The following MYO5C variants were observed in gnomAD, a reference collection of about 807,000 sequenced individuals.
MYO5C encodes the protein myosin VC, also known as unconventional myosin-Vc.
MYO5C carries 194 observed loss-of-function variants against 235.7 expected under a neutral mutation model. The observed-to-expected ratio is 0.82, with a 90% CI of 0.73 to 0.93. The LOEUF is 0.93. Ranked by LOEUF, MYO5C falls within the 40% of genes least tolerant of loss-of-function variation. MYO5C has a pLI of 0.00. For synonymous variants in MYO5C, 707 were observed against 754.8 expected, an observed-to-expected ratio of 0.94 and a Z score of 1.04; for missense variants, 2,038 against 2,127.2, an observed-to-expected ratio of 0.96 and a Z score of 0.82.
rs200915830 is a variant in MYO5C at position 52,204,966 on chromosome 15, C to A, written c.4719G>T (p.Arg1573Ser). Reference sequence around the variant, plus strand: ...AGAAGAAGAGCTGCTTCACCGCCTGCCTCACAAGCTCGGGGTCCAGGCCGT... The same window carrying A: ...AGAAGAAGAGCTGCTTCACCGCCTGACTCACAAGCTCGGGGTCCAGGCCGT... ...CQNGLDPELVRQAVKQLFFLI... is the reference protein window; with the variant it reads ...CQNGLDPELVSQAVKQLFFLI... The change falls in exon 38 of 41, where the codon AGG becomes AGT. Residue 1573 changes from arginine to serine, a missense_variant. By Grantham distance (110) the Arg-to-Ser change is moderately radical. Transcript: ENST00000261839. 143 of 1,614,134 alleles carry A rather than the reference C, an allele frequency of 8.9e-5. No individual in the cohort carries two copies. The highest frequency in any genetic ancestry group is 1.7e-4 in the Admixed American group (10 of 60,014).
intron 11 of MYO5C, among the ~76,000 whole-genome samples, chr15:52,255,993 G>C (rs1206116602): frequency 6.6e-6 from 1 of 152,206 alleles, no homozygotes; most frequent in Non-Finnish European, 1.5e-5. Context: ...TAAGGTTGGA[G>C]AAACTCATTC....
chr15:52,255,707 T>C (rs372103510), intron 11 of MYO5C, among the ~76,000 whole-genome samples: 6 of 151,664 alleles, frequency 4.0e-5, no homozygotes, highest in African/African-American at 1.4e-4. Context: ...ATTTAAGAGG[T>C]TGAAATTGTA....
rs1421477633 is a variant in MYO5C, at chr15:52,205,853, A to G, written c.4500T>C (p.Phe1500=). ...SDVAIRIYHQ[F]IIIMEKNIQP... ...GGATATTCTTTTCCATTATGATAATAAATTGATGATATATTCGTATAGCCA... is the reference window on the plus strand; with the variant it reads ...GGATATTCTTTTCCATTATGATAATGAATTGATGATATATTCGTATAGCCA... Residue 1500 remains phenylalanine (F), a synonymous_variant, in exon 37 of 41, where the codon TTT becomes TTC. Transcript: ENST00000261839. 5 of 1,585,878 alleles carry G rather than the reference A, an allele frequency of 3.2e-6. No homozygotes were observed. The highest frequency in any genetic ancestry group is 4.3e-6 in the Non-Finnish European group (5 of 1,162,234).
At chr15:52,198,644 C>T (rs368349366) in intron 38 of MYO5C, among the ~76,000 whole-genome samples, 4 of 151,930 alleles carry the variant, frequency 2.6e-5, no homozygotes, top group Non-Finnish European at 5.9e-5. Flanking sequence ...AGTAGTGGTG[C>T]GATCTCAGCT....
At position 52,244,646 on chromosome 15, in the gene MYO5C, G is replaced by C. The variant is rs185981851; in HGVS notation, c.2179-79C>G. On this transcript the variant is annotated intron_variant, in intron 18 of 40. Transcript: ENST00000261839. ...TACAGTATTTGGAAAAGAGCTTTAG[G>C]GATTCAAAGGTGCCAGAAATATTGT... 1.2e-4 allele frequency: 116 copies of C among 968,530 alleles called. 2 individuals carry two copies. In the Admixed American group the frequency reaches 1.4e-3, roughly 12 times the overall value. The allele number at this position is 968,530 out of a possible 1,614,324, so 60.0% of individuals were successfully genotyped here.
Position 52,286,068 on chromosome 15 carries a change from G to A in MYO5C, c.28-3176C>T, listed in dbSNP as rs951233180. Among the ~76,000 whole-genome samples, 36 of 151,368 alleles carry A rather than the reference G, an allele frequency of 2.4e-4. 1 individual carries two copies. Among genetic ancestry groups the A allele is most frequent in the Admixed American group, 5.9e-4 (9 of 15,228 alleles). Reference sequence around the variant, plus strand: ...CCGCCCCGTCTGGGATGTGAGGAGCGTCTCTGCCCGGCCGCCCCGTCTGAG... The same window carrying A: ...CCGCCCCGTCTGGGATGTGAGGAGCATCTCTGCCCGGCCGCCCCGTCTGAG... On this transcript the variant is annotated intron_variant, in intron 1 of 40. Transcript: ENST00000261839.
intron 11 of MYO5C, among the ~76,000 whole-genome samples, chr15:52,254,513 A>C (rs2036541802): frequency 6.6e-6 from 1 of 152,134 alleles, no homozygotes; most frequent in South Asian, 2.1e-4. Context: ...ATCAGGTGCA[A>C]GGCCCAGTGG....
intron 1 of MYO5C, among the ~76,000 whole-genome samples, chr15:52,287,263 T>A (rs890348522): frequency 6.6e-6 from 1 of 152,164 alleles, no homozygotes. Flanking sequence ...CACACACTCT[T>A]GTGCAGATAG....
chr15:52,229,153 G>C lies in MYO5C; in HGVS notation c.3187C>G (p.Arg1063Gly), dbSNP rs779447148. The change falls in exon 25 of 41, where the codon CGC (arginine) becomes GGC (glycine). Residue 1063 changes from arginine (R) to glycine (G), a missense_variant. Coordinates refer to ENST00000261839, the MANE Select transcript of MYO5C (RefSeq NM_018728.4). ...TCTACCTTGACCTGCTTGCTCAGGC[G>C]GGCCACTTCCGCCTTCAAGCCATCA... The part of the protein sequence containing the change: ...TSDGLKAEVA[R>G]LSKQVKTISE... The C allele has an allele frequency of 2.5e-6, 4 of 1,614,148 alleles. No individual in the cohort carries two copies. The highest frequency in any genetic ancestry group is 3.4e-6 in the Non-Finnish European group (4 of 1,180,032).
rs190580561 is a variant in MYO5C at position 52,264,820 on chromosome 15, G to C, written c.941-524C>G. 2.6e-5 allele frequency among the ~76,000 whole-genome samples: 4 copies of C among 152,334 alleles called. No homozygotes were observed. The East Asian group carries it at 7.7e-4, about 29-fold the overall frequency. ...TGGGGAGCCCTAGCAGGAGAGCAGA[G>C]AGAGGAGCGGAGAAGGTTCCGAGTG... On this transcript the variant is annotated intron_variant, in intron 8 of 40. Coordinates refer to ENST00000261839, the MANE Select transcript of MYO5C (RefSeq NM_018728.4).
At chr15:52,295,555 G>A in intron 1 of MYO5C, 55 bp downstream of exon 1, 3 of 1,495,118 alleles carry the variant, frequency 2.0e-6, no homozygotes, top group African/African-American at 1.5e-5. Context: ...TCGAGTCAGC[G>A]TTAGCAGGGC....
In MYO5C at chr15:52,229,145, G is replaced by C. The variant is rs778594259; in HGVS notation, c.3195C>G (p.Ser1065Arg). 1 of 1,614,176 alleles carries C rather than the reference G, an allele frequency of 6.2e-7. No homozygotes were observed. Among genetic ancestry groups the C allele is most frequent in the Non-Finnish European group, 8.5e-7 (1 of 1,180,038 alleles). Residue 1065 changes from serine to arginine, a missense_variant, in exon 25 of 41, where the codon AGC becomes AGG. Ser to Arg is a moderately radical substitution (Grantham distance 110). Transcript: ENST00000261839. ...DGLKAEVARL[S>R]KQVKTISEFE... ...AGAGCCGCTCTACCTTGACCTGCTT[G>C]CTCAGGCGGGCCACTTCCGCCTTCA... is the stretch of plus-strand genomic sequence containing the variant.
chr15:52,256,786 A>T (rs1396449671), intron 10 of MYO5C, 66 bp from the exon 11 acceptor site: 2 of 1,238,332 alleles, frequency 1.6e-6, no homozygotes, highest in Non-Finnish European at 2.4e-6. Context: ...GTTTATAGAT[A>T]TTTTTTGACA....
chr15:52,195,081 A>G (rs2035016503), intron 40 of MYO5C, among the ~76,000 whole-genome samples: 1 of 152,180 alleles, frequency 6.6e-6, no homozygotes, highest in African/African-American at 2.4e-5. Context: ...CTCTGTTTCC[A>G]TTCAGCCTCT....
chr15:52,239,393 T>C (rs2036162546), intron 21 of MYO5C, among the ~76,000 whole-genome samples: 1 of 152,240 alleles, frequency 6.6e-6, no homozygotes, highest in Non-Finnish European at 1.5e-5. Flanking sequence ...GGCAGCACGC[T>C]TGGCATGCGG....
chr15:52,244,287 C>T, intron 19 of MYO5C, 69 bp downstream of exon 19: 1 of 1,495,602 alleles, frequency 6.7e-7, no homozygotes, highest in South Asian at 1.2e-5. Context: ...CTTGATGAGT[C>T]CTCCCCGCCG....
Position 52,256,587 on chromosome 15 carries a change from ACGCGCGCG to A in MYO5C, c.1395+44_1395+51del, listed in dbSNP as rs775479835. ...AACACACACACACACACACACACAC[ACGCGCGCG>A]CGCGCGGCTGAGAACTAGTCAAGAA... On this transcript the variant is annotated intron_variant, in intron 11 of 40. Transcript: ENST00000261839. 18 of 564,324 alleles carry A rather than the reference ACGCGCGCG, an allele frequency of 3.2e-5. 1 individual carries two copies. In the African/African-American group the frequency reaches 3.2e-4, roughly 10 times the overall value. 35.0% of individuals were successfully genotyped at this position (564,324 alleles called of 1,614,324 possible).
chr15:52,221,293 C>CT (rs1566967239), intron 29 of MYO5C, 38 bp from the exon 30 acceptor site: 2 of 1,414,850 alleles, frequency 1.4e-6, no homozygotes, highest in Admixed American at 3.9e-5. Context: ...ATATAAAATA[C>CT]TTTTATCTAT....
chr15:52,196,480 G>A lies in MYO5C; in HGVS notation c.4824C>T (p.Cys1608=), dbSNP rs867254010. 3 of 1,612,432 alleles carry A rather than the reference G, an allele frequency of 1.9e-6. No individual in the cohort carries two copies. The highest frequency in any genetic ancestry group is 1.7e-4 in the Middle Eastern group (1 of 6,052). ...CSCRKGMQIR[C]NISYLEEWLK... is the part of the protein sequence containing the mutation. ...GCCATTCTTCTAAGTAGCTGATATTGCACCTGGAGGGAAAGGCAGAAGAAC... is the reference window on the plus strand; with the variant it reads ...GCCATTCTTCTAAGTAGCTGATATTACACCTGGAGGGAAAGGCAGAAGAAC... Residue 1608 remains cysteine (C), a synonymous_variant, in exon 39 of 41, where the codon TGC becomes TGT. Transcript: ENST00000261839.
Sources: allele counts gnomAD v4.1 joint callset (sites outside exome capture counted in the v4.1 genomes callset), GRCh38; gene constraint gnomAD v4.1.1; transcripts MANE v1.5; gene names NCBI Gene and HGNC (gene_info 2026-07-23, HGNC 2026-07-21).